The following TBL1XR1 variants were observed in gnomAD, a reference collection of about 807,000 sequenced individuals.
TBL1XR1 encodes the protein F-box-like/WD repeat-containing protein TBL1XR1.
In TBL1XR1, 5 loss-of-function variants were observed where a neutral mutation model predicts 66.9. That is an observed-to-expected ratio of 0.07 (90% CI 0.04 to 0.16). TBL1XR1 has a LOEUF of 0.16. TBL1XR1 is among the 10% of genes least tolerant of loss of function. The probability of loss-of-function intolerance (pLI) is 1.00; values close to 1 mark genes in which losing one functional copy is unlikely to be tolerated. For missense variants in TBL1XR1, 238 were observed against 623.2 expected (o/e 0.38, Z 6.58); for synonymous variants, 210 against 206.0 (o/e 1.02, Z -0.17).
intron 2 of TBL1XR1, among the ~76,000 whole-genome samples, chr3:177,080,251 G>A (rs1721232372): frequency 6.6e-6 from 1 of 152,092 alleles, no homozygotes; most frequent in Non-Finnish European, 1.5e-5. Flanking sequence ...ACATTATCAG[G>A]CTTTATCATT....
rs1422862128 is a variant in TBL1XR1 at position 177,112,103 on chromosome 3, ATATAT to A, written c.-121-13567_-121-13563del. Among the ~76,000 whole-genome samples the A allele has an allele frequency of 4.9e-3, 228 of 46,908 alleles. 2 individuals are homozygous for A. Among genetic ancestry groups the A allele is most frequent in the African/African-American group, 0.026 (213 of 8,078 alleles). The allele number at this position is 46,908 out of a possible 152,430, so 30.8% of individuals were successfully genotyped here. ...TATATATATATATATATATATATAT[ATATAT>A]TTTTTTTTTTTTTTTTTGTGAGGGG... On this transcript the variant is annotated intron_variant, in intron 1 of 15. Coordinates refer to ENST00000457928, the MANE Select transcript of TBL1XR1 (RefSeq NM_024665.7).
intron 1 of TBL1XR1, among the ~76,000 whole-genome samples, chr3:177,162,843 A>G (rs1323618004): frequency 6.6e-6 from 1 of 152,252 alleles, no homozygotes; most frequent in Non-Finnish European, 1.5e-5. Context: ...AAAAGAAATC[A>G]GAAAGACACT....
intron 2 of TBL1XR1, among the ~76,000 whole-genome samples, chr3:177,093,397 G>A (rs1483265859): frequency 2.0e-5 from 3 of 152,088 alleles, no homozygotes; most frequent in East Asian, 3.9e-4. Context: ...TGACCACACT[G>A]CCAAAAGCAA....
upstream of TBL1XR1, among the ~76,000 whole-genome samples, chr3:177,198,192 C>A (rs777550032): frequency 6.6e-6 from 1 of 152,124 alleles, no homozygotes; most frequent in South Asian, 2.1e-4. Flanking sequence ...AAAATGTGAT[C>A]CAGAGCACGG....
At chr3:177,170,494 G>A (rs982588679) in intron 1 of TBL1XR1, among the ~76,000 whole-genome samples, 7 of 152,034 alleles carry the variant, frequency 4.6e-5, no homozygotes, top group African/African-American at 2.4e-5. Context: ...CCTAAAAACA[G>A]CCTGTATTAT....
chr3:177,124,266 C>T (rs916950397), intron 1 of TBL1XR1, among the ~76,000 whole-genome samples: 1 of 152,042 alleles, frequency 6.6e-6, no homozygotes, highest in African/African-American at 2.4e-5. Context: ...AGCAGAAAAC[C>T]TTCACAAATG....
chr3:177,067,037 T>C (rs914441330), intron 2 of TBL1XR1, among the ~76,000 whole-genome samples: 3 of 152,168 alleles, frequency 2.0e-5, no homozygotes, highest in Admixed American at 1.3e-4. Context: ...AGATGTACTA[T>C]AGTACACTAG....
intron 1 of TBL1XR1, among the ~76,000 whole-genome samples, chr3:177,155,354 A>G (rs1226175909): frequency 1.3e-5 from 2 of 152,188 alleles, no homozygotes; most frequent in East Asian, 3.8e-4. Flanking sequence ...ATAAAAAAAC[A>G]TAGCCACAGA....
At chr3:177,106,916 T>TA (rs34914113) in intron 1 of TBL1XR1, among the ~76,000 whole-genome samples, 96,199 of 149,520 alleles carry the variant, frequency 0.64, 31,329 homozygotes, top group African/African-American at 0.77. Flanking sequence ...GCATTACTAC[T>TA]AAAAAAAAAA....
chr3:177,039,848 T>C (rs1715327028), intron 10 of TBL1XR1, among the ~76,000 whole-genome samples: 1 of 152,140 alleles, frequency 6.6e-6, no homozygotes, highest in African/African-American at 2.4e-5. Context: ...AAATAAGAGT[T>C]TTATTGAAAC....
At position 177,038,348 on chromosome 3, in the gene TBL1XR1, G is replaced by C; in HGVS notation, c.1012C>G (p.Gln338Glu). Residue 338 changes from glutamine to glutamate, a missense_variant, in exon 11 of 16, where the codon CAA (glutamine) becomes GAA (glutamate). By Grantham distance (29) the Gln-to-Glu change is conservative. Transcript: ENST00000457928. Reference sequence around the variant, plus strand: ...TGGAATGTTTTAATAGGTCTGTCTTGTCCTAATTTACAGACATGAATGCAC... The same window carrying C: ...TGGAATGTTTTAATAGGTCTGTCTTCTCCTAATTTACAGACATGAATGCAC... The part of the protein sequence containing the change: ...DMCIHVCKLG[Q>E]DRPIKTFQGH... 6.3e-7 allele frequency: 1 copy of C among 1,593,554 alleles called. No homozygotes were observed.
intron 2 of TBL1XR1, among the ~76,000 whole-genome samples, chr3:177,074,889 A>G (rs1320203128): frequency 6.6e-6 from 1 of 152,234 alleles, no homozygotes; most frequent in Non-Finnish European, 1.5e-5. Context: ...GAAACATGTG[A>G]AGGTGAACAC....
intron 1 of TBL1XR1, among the ~76,000 whole-genome samples, chr3:177,169,584 A>T (rs1577370857): frequency 6.6e-6 from 1 of 152,260 alleles, no homozygotes; most frequent in African/African-American, 2.4e-5. Context: ...AACCACTGTT[A>T]TAACTGAAGC....
chr3:177,124,309 T>C (rs1560202147), intron 1 of TBL1XR1, among the ~76,000 whole-genome samples: 1 of 152,106 alleles, frequency 6.6e-6, no homozygotes, highest in Non-Finnish European at 1.5e-5. Flanking sequence ...CATAGTCACA[T>C]GACTAACTAG....
intron 1 of TBL1XR1, among the ~76,000 whole-genome samples, chr3:177,126,335 T>C (rs1404293669): frequency 6.6e-6 from 1 of 152,216 alleles, no homozygotes; most frequent in East Asian, 1.9e-4. Flanking sequence ...TGCTGAATCA[T>C]CTAACACAAC....
chr3:177,042,276 G>A (rs560833683), intron 10 of TBL1XR1, among the ~76,000 whole-genome samples: 40 of 152,212 alleles, frequency 2.6e-4, no homozygotes, highest in Non-Finnish European at 2.9e-5. Context: ...CCAATTAGAA[G>A]ACAGTTAAAG....
chr3:177,186,010 CAAAT>C (rs746192160), intron 1 of TBL1XR1, among the ~76,000 whole-genome samples: 2 of 152,008 alleles, frequency 1.3e-5, no homozygotes, highest in East Asian at 3.9e-4. Flanking sequence ...GACCCTGCCT[CAAAT>C]AAATAAATAA....
At chr3:177,115,403 CA>C (rs1560192891) in intron 1 of TBL1XR1, among the ~76,000 whole-genome samples, 1 of 151,946 alleles carries the variant, frequency 6.6e-6, no homozygotes, top group East Asian at 1.9e-4. Flanking sequence ...GGAAGTTTAC[CA>C]AAAAGTCTTG....
At chr3:177,152,124 C>T (rs1372552908) in intron 1 of TBL1XR1, among the ~76,000 whole-genome samples, 1 of 152,208 alleles carries the variant, frequency 6.6e-6, no homozygotes, top group Non-Finnish European at 1.5e-5. Flanking sequence ...ATGATTATAG[C>T]AAATTAGAAG....
Sources: allele counts gnomAD v4.1 joint callset (sites outside exome capture counted in the v4.1 genomes callset), GRCh38; gene constraint gnomAD v4.1.1; transcripts MANE v1.5; gene names NCBI Gene and HGNC (gene_info 2026-07-23, HGNC 2026-07-21).